VKORC1L1: variants seen among roughly 807,000 people sequenced by gnomAD.
VKORC1L1 encodes the protein vitamin K epoxide reductase complex subunit 1L1.
In VKORC1L1, 2 loss-of-function variants were observed where a neutral mutation model predicts 18.9. The ratio of observed to expected loss-of-function variants is 0.11; its 90% CI spans 0.04 to 0.33. The LOEUF (loss-of-function observed/expected upper bound fraction) is 0.33, where lower values mean the gene tolerates loss of function less well. Ranked by LOEUF, VKORC1L1 falls within the 10% of genes least tolerant of loss-of-function variation. VKORC1L1 has a pLI of 1.00. For missense variants in VKORC1L1, 123 were observed against 224.1 expected, an observed-to-expected ratio of 0.55 and a Z score of 2.88; for synonymous variants, 96 against 100.0, an observed-to-expected ratio of 0.96 and a Z score of 0.24.
chr7:65,885,746 T>A (rs1415437701), intron 1 of VKORC1L1, among the ~76,000 whole-genome samples: 1 of 152,150 alleles, frequency 6.6e-6, no homozygotes, highest in African/African-American at 2.4e-5. Flanking sequence ...CAGGTCGGTC[T>A]GTGTTTATTC....
chr7:65,879,395 C>T (rs1271396815), intron 1 of VKORC1L1, among the ~76,000 whole-genome samples: 1 of 152,120 alleles, frequency 6.6e-6, no homozygotes, highest in Non-Finnish European at 1.5e-5. Context: ...GGAAGTGAAT[C>T]TGGACTGTAG....
chr7:65,889,338 G>C (rs555867518), intron 1 of VKORC1L1, among the ~76,000 whole-genome samples: 2 of 152,106 alleles, frequency 1.3e-5, no homozygotes, highest in African/African-American at 4.8e-5. Flanking sequence ...AATAAATTCA[G>C]TATGTCCAAG....
At chr7:65,922,772 GT>G (rs1270468406) in intron 1 of VKORC1L1, among the ~76,000 whole-genome samples, 4 of 152,170 alleles carry the variant, frequency 2.6e-5, no homozygotes, top group Non-Finnish European at 5.9e-5. Flanking sequence ...GTCAGTCTTA[GT>G]TTTGCTGCTT....
intron 1 of VKORC1L1, among the ~76,000 whole-genome samples, chr7:65,922,443 C>G (rs940117232): frequency 3.9e-5 from 6 of 152,054 alleles, no homozygotes; most frequent in African/African-American, 7.2e-5. Flanking sequence ...ACCACCACTT[C>G]TGGCTAATTT....
At chr7:65,883,017 G>A (rs1343312326) in intron 1 of VKORC1L1, among the ~76,000 whole-genome samples, 1 of 151,574 alleles carries the variant, frequency 6.6e-6, no homozygotes, top group African/African-American at 2.4e-5. Context: ...GGTTTTTCTT[G>A]ATACCATGCC....
chr7:65,883,560 C>T lies in VKORC1L1; in HGVS notation c.194+9995C>T, dbSNP rs187342649. Among the ~76,000 whole-genome samples, 651 of 151,688 alleles carry T rather than the reference C, an allele frequency of 4.3e-3. 2 individuals are homozygous for T. Among genetic ancestry groups the T allele is most frequent in the Non-Finnish European group, 6.1e-3 (415 of 67,848 alleles). The stretch of plus-strand genomic sequence containing the variant: ...TTTCACCCAGGCTGGAGTGCAGTGG[C>T]GGGTTCTCGGCTCACTGCAACCTCT... On this transcript the variant is annotated intron_variant, in intron 1 of 2. Transcript: ENST00000360768.
At chr7:65,943,462 A>G (rs1790068918) in intron 1 of VKORC1L1, among the ~76,000 whole-genome samples, 1 of 152,182 alleles carries the variant, frequency 6.6e-6, no homozygotes, top group Non-Finnish European at 1.5e-5. Flanking sequence ...CAACTTACCA[A>G]ATAAGTTTAC....
intron 1 of VKORC1L1, among the ~76,000 whole-genome samples, chr7:65,926,826 A>G (rs984063535): frequency 2.0e-5 from 3 of 152,216 alleles, no homozygotes; most frequent in African/African-American, 7.2e-5. Context: ...GCTGGAGGCC[A>G]TTATCCTCAG....
At chr7:65,910,631 A>G (rs908487034) in intron 1 of VKORC1L1, among the ~76,000 whole-genome samples, 2 of 151,976 alleles carry the variant, frequency 1.3e-5, no homozygotes, top group Non-Finnish European at 2.9e-5. Flanking sequence ...CACATTAGCA[A>G]TATCTGTGCG....
chr7:65,871,178 T>TTTTC (rs888760193), upstream of VKORC1L1, among the ~76,000 whole-genome samples: 12 of 152,010 alleles, frequency 7.9e-5, no homozygotes, highest in East Asian at 7.7e-4. Flanking sequence ...ACTATTTTCT[T>TTTTC]TTTCTTTCTT....
intron 1 of VKORC1L1, among the ~76,000 whole-genome samples, chr7:65,940,841 A>C (rs1204648062): frequency 6.6e-6 from 1 of 152,228 alleles, no homozygotes; most frequent in Non-Finnish European, 1.5e-5. Context: ...TGTGATGGAC[A>C]GTATAACATG....
rs1790301241 is a variant in VKORC1L1, at chr7:65,956,697, T to C, written c.*2397T>C. The C allele has an allele frequency of 6.6e-6, 1 of 152,200 alleles. No homozygotes were observed. Among genetic ancestry groups the C allele is most frequent in the African/African-American group, 2.4e-5 (1 of 41,440 alleles). 9.4% of individuals were successfully genotyped at this position (152,200 alleles called of 1,614,324 possible). A position where few individuals can be genotyped will look rare whatever the true frequency, so the allele number is the denominator to read the frequency against. ...GGTGTTAATTGGGTGTTTTTTGCCC[T>C]GGAGAATTCAGATTCCTTTCTATAC... On this transcript the variant is annotated 3_prime_UTR_variant, in exon 3 of 3. Coordinates refer to ENST00000360768, the MANE Select transcript of VKORC1L1 (RefSeq NM_173517.6).
At chr7:65,951,521 CTAA>C (rs1445339802) in intron 2 of VKORC1L1, among the ~76,000 whole-genome samples, 1 of 151,784 alleles carries the variant, frequency 6.6e-6, no homozygotes, top group African/African-American at 2.4e-5. Flanking sequence ...TTGCAGTGAG[CTAA>C]TGTCGCACCA....
Position 65,873,266 on chromosome 7 carries a change from C to A in VKORC1L1, c.-106C>A, listed in dbSNP as rs909922589. 1.7e-5 allele frequency: 17 copies of A among 981,386 alleles called. No homozygotes were observed. The highest frequency in any genetic ancestry group is 2.1e-5 in the Non-Finnish European group (17 of 828,302). The allele number at this position is 981,386 out of a possible 1,614,324, so 60.8% of individuals were successfully genotyped here. ...GCGGCGGCGGCGGCGGTGGTGGCGG[C>A]GGCGGCGGAGGCGGCGGTGGCGGCG... On this transcript the variant is annotated 5_prime_UTR_variant, in exon 1 of 3. Transcript: ENST00000360768.
chr7:65,910,580 A>C (rs960569350), intron 1 of VKORC1L1, among the ~76,000 whole-genome samples: 4 of 152,190 alleles, frequency 2.6e-5, no homozygotes, highest in Non-Finnish European at 5.9e-5. Flanking sequence ...ACTGAGAAAA[A>C]GAGTTAGTTC....
intron 1 of VKORC1L1, among the ~76,000 whole-genome samples, chr7:65,900,042 C>T (rs1375455975): frequency 5.7e-5 from 8 of 140,860 alleles, no homozygotes; most frequent in Non-Finnish European, 1.2e-4. Context: ...TGTGCACGCA[C>T]GTGTGTGTGT....
At chr7:65,906,780 G>A (rs370152520) in intron 1 of VKORC1L1, among the ~76,000 whole-genome samples, 12 of 152,136 alleles carry the variant, frequency 7.9e-5, no homozygotes, top group Non-Finnish European at 1.6e-4. Flanking sequence ...TTGACTTGAC[G>A]TTTTCCACTG....
chr7:65,876,671 G>A (rs1044246558), intron 1 of VKORC1L1, among the ~76,000 whole-genome samples: 3 of 152,214 alleles, frequency 2.0e-5, no homozygotes, highest in Admixed American at 2.0e-4. Flanking sequence ...GATCTGGGTG[G>A]GCTTCCACCT....
chr7:65,893,028 A>G (rs952654930), intron 1 of VKORC1L1, among the ~76,000 whole-genome samples: 3 of 152,232 alleles, frequency 2.0e-5, no homozygotes, highest in Admixed American at 6.5e-5. Flanking sequence ...CATGAAATGC[A>G]GTGTTGCAAC....
Sources: allele counts gnomAD v4.1 joint callset (sites outside exome capture counted in the v4.1 genomes callset), GRCh38; gene constraint gnomAD v4.1.1; transcripts MANE v1.5; gene names NCBI Gene and HGNC (gene_info 2026-07-23, HGNC 2026-07-21).